ZNHIT6: variants seen among roughly 807,000 people sequenced by gnomAD.
ZNHIT6 encodes zinc finger HIT-type containing 6.
A neutral mutation model predicts 57.2 loss-of-function variants in ZNHIT6; 45 were observed. The observed-to-expected ratio is 0.79, with a 90% confidence interval of 0.62 to 1.01. ZNHIT6 has a LOEUF of 1.01. ZNHIT6 is among the 50% of genes least tolerant of loss of function. ZNHIT6 has a pLI of 0.00. For missense variants in ZNHIT6, 528 were observed against 567.3 expected, an observed-to-expected ratio of 0.93 and a Z score of 0.70; for synonymous variants, 188 against 190.0, an observed-to-expected ratio of 0.99 and a Z score of 0.09.
rs182766719 is a variant in ZNHIT6, at chr1:85,650,988, A to G, written c.*3070T>C. On this transcript the variant is annotated 3_prime_UTR_variant, in exon 10 of 10. Coordinates refer to ENST00000370574, the MANE Select transcript of ZNHIT6 (RefSeq NM_017953.4). The stretch of plus-strand genomic sequence containing the variant: ...GGTAGGAACAAACTATATTCAAACC[A>G]TAACAGTATATGATTAAATAAAAAT... 2 of 152,350 alleles carry G rather than the reference A, an allele frequency of 1.3e-5. No homozygotes were observed. Among genetic ancestry groups the G allele is most frequent in the Admixed American group, 6.5e-5 (1 of 15,306 alleles). The allele number at this position is 152,350 out of a possible 1,614,324, so 9.4% of individuals were successfully genotyped here. A position where few individuals can be genotyped will look rare whatever the true frequency, so the allele number is the denominator to read the frequency against.
At chr1:85,696,753 T>C (rs1662381686) in intron 5 of ZNHIT6, among the ~76,000 whole-genome samples, 1 of 151,976 alleles carries the variant, frequency 6.6e-6, no homozygotes, top group Non-Finnish European at 1.5e-5. Context: ...AAGAGGAAAA[T>C]GGCCTGGTTA....
intron 5 of ZNHIT6, among the ~76,000 whole-genome samples, chr1:85,687,035 C>T (rs756608890): frequency 4.0e-5 from 6 of 151,128 alleles, no homozygotes; most frequent in African/African-American, 1.2e-4. Context: ...TTTGGGAGGC[C>T]GAGATGGGTG....
chr1:85,705,349 G>C (rs965776253), intron 4 of ZNHIT6, among the ~76,000 whole-genome samples: 1 of 151,960 alleles, frequency 6.6e-6, no homozygotes, highest in Non-Finnish European at 1.5e-5. Context: ...CAAGTTGCTG[G>C]GAGTACAGGG....
intron 5 of ZNHIT6, among the ~76,000 whole-genome samples, chr1:85,688,575 TA>T (rs1171470512): frequency 6.6e-6 from 1 of 152,220 alleles, no homozygotes; most frequent in East Asian, 1.9e-4. Flanking sequence ...CCATCCTTCG[TA>T]ATCCATAACC....
intron 8 of ZNHIT6, among the ~76,000 whole-genome samples, chr1:85,675,888 T>G (rs1320947500): frequency 6.6e-6 from 1 of 152,192 alleles, no homozygotes. Flanking sequence ...CTCTGCTAGC[T>G]TCAAACTTTT....
chr1:85,687,133 TG>T (rs976362342), intron 5 of ZNHIT6, among the ~76,000 whole-genome samples: 17 of 150,364 alleles, frequency 1.1e-4, no homozygotes, highest in Admixed American at 3.3e-4. Context: ...AAAAAAAAAT[TG>T]CCAGGATTGG....
At chr1:85,663,920 A>ATCCGTC (rs1661291783) in intron 8 of ZNHIT6, among the ~76,000 whole-genome samples, 1 of 124,390 alleles carries the variant, frequency 8.0e-6, no homozygotes, top group African/African-American at 2.6e-5. Context: ...GGTGTAGGTG[A>ATCCGTC]TCCGTCTCTG....
At chr1:85,697,715 G>C (rs1436515783) in intron 5 of ZNHIT6, among the ~76,000 whole-genome samples, 4 of 152,056 alleles carry the variant, frequency 2.6e-5, no homozygotes. Context: ...TTTATGAACT[G>C]TCTTATTAAT....
At chr1:85,697,009 C>T (rs369488596) in intron 5 of ZNHIT6, among the ~76,000 whole-genome samples, 3 of 147,176 alleles carry the variant, frequency 2.0e-5, no homozygotes, top group South Asian at 4.5e-4. Flanking sequence ...TACAGGCGCC[C>T]GCCACCACGC....
intron 8 of ZNHIT6, among the ~76,000 whole-genome samples, chr1:85,663,441 T>C (rs1467788031): frequency 7.1e-6 from 1 of 141,368 alleles, no homozygotes; most frequent in Non-Finnish European, 1.5e-5. Flanking sequence ...AGAGAAGACA[T>C]AGTACATACT....
rs1661013946 is a variant in ZNHIT6, at chr1:85,654,732, T to C, written c.1373-634A>G. ...GCAAATCATTCTGCCTTTTAGTGTT[T>C]TTTCCCTAAATCTGCAAAATGGGAA... is the stretch of plus-strand genomic sequence containing the variant. On this transcript the variant is annotated intron_variant, in intron 9 of 9. Transcript: ENST00000370574. Among the ~76,000 whole-genome samples, 4 of 152,196 alleles carry C rather than the reference T, an allele frequency of 2.6e-5. No individual in the cohort carries two copies. The South Asian group carries it at 8.3e-4, about 31-fold the overall frequency.
At chr1:85,705,348 G>A (rs1053888651) in intron 4 of ZNHIT6, among the ~76,000 whole-genome samples, 2 of 151,992 alleles carry the variant, frequency 1.3e-5, no homozygotes, top group African/African-American at 4.8e-5. Flanking sequence ...TCAAGTTGCT[G>A]GGAGTACAGG....
At chr1:85,666,979 T>C (rs1661387161) in intron 8 of ZNHIT6, among the ~76,000 whole-genome samples, 3 of 152,212 alleles carry the variant, frequency 2.0e-5, no homozygotes, top group African/African-American at 2.4e-5. Flanking sequence ...TCTGAACACA[T>C]ACTCATCTTG....
intron 8 of ZNHIT6, among the ~76,000 whole-genome samples, chr1:85,662,795 C>G (rs1661262591): frequency 6.6e-6 from 1 of 152,138 alleles, no homozygotes; most frequent in Admixed American, 6.5e-5. Context: ...TTGTGTAGTA[C>G]AGACATATGT....
chr1:85,708,298 T>C lies in ZNHIT6; in HGVS notation c.-14A>G, dbSNP rs1375060824. 6 of 1,581,442 alleles carry C rather than the reference T, an allele frequency of 3.8e-6. No homozygotes were observed. Among genetic ancestry groups the C allele is most frequent in the Non-Finnish European group, 5.2e-6 (6 of 1,162,536 alleles). ...AGCAAACTCCATCAACTCACGATCCTTGGCCTCTGCTGCCACTCTATCCTT... is the reference window on the plus strand; with the variant it reads ...AGCAAACTCCATCAACTCACGATCCCTGGCCTCTGCTGCCACTCTATCCTT... On this transcript the variant is annotated 5_prime_UTR_variant, in exon 1 of 10. Coordinates refer to ENST00000370574, the MANE Select transcript of ZNHIT6 (RefSeq NM_017953.4).
chr1:85,691,428 C>T (rs149503754), intron 5 of ZNHIT6, among the ~76,000 whole-genome samples: 11 of 152,292 alleles, frequency 7.2e-5, no homozygotes, highest in South Asian at 4.1e-4. Flanking sequence ...CCTCAGGCTA[C>T]GGAATGGAGT....
At chr1:85,670,242 C>CT (rs946404011) in intron 8 of ZNHIT6, among the ~76,000 whole-genome samples, 1 of 152,126 alleles carries the variant, frequency 6.6e-6, no homozygotes, top group Non-Finnish European at 1.5e-5. Flanking sequence ...GGACCATATT[C>CT]TAGTCATGTC....
Position 85,702,157 on chromosome 1 carries a change from T to G in ZNHIT6, c.1019A>C (p.Lys340Thr). The G allele has an allele frequency of 6.3e-7, 1 of 1,594,208 alleles. No individual in the cohort carries two copies. The highest frequency in any genetic ancestry group is 1.1e-5 in the South Asian group (1 of 87,990). ...RKENSTFFDKKKQQFCWHVKL... is the reference protein window; with the variant it reads ...RKENSTFFDKTKQQFCWHVKL... ...ATATACTAAAAAGTTAGAAACTTAC[T>G]TCTTATCAAAAAAGGTTGAATTCTC... is the stretch of plus-strand genomic sequence containing the variant. The change falls in exon 5 of 10, where the codon AAA becomes ACA. Residue 340 changes from lysine to threonine, a missense_variant and splice_region_variant. Lys to Thr is a moderately conservative substitution (Grantham distance 78). Coordinates refer to ENST00000370574, the MANE Select transcript of ZNHIT6 (RefSeq NM_017953.4).
At chr1:85,694,125 T>C (rs1200463541) in intron 5 of ZNHIT6, among the ~76,000 whole-genome samples, 1 of 152,194 alleles carries the variant, frequency 6.6e-6, no homozygotes, top group Non-Finnish European at 1.5e-5. Context: ...GTGATGGTAA[T>C]GTTCTATTTA....
Sources: allele counts gnomAD v4.1 joint callset (sites outside exome capture counted in the v4.1 genomes callset), GRCh38; gene constraint gnomAD v4.1.1; transcripts MANE v1.5; gene names NCBI Gene and HGNC (gene_info 2026-07-23, HGNC 2026-07-21).